UNC5D: variants seen among roughly 807,000 people sequenced by gnomAD.
The protein encoded by UNC5D is netrin receptor UNC5D.
A neutral mutation model predicts 105.4 loss-of-function variants in UNC5D; 39 were observed. The ratio of observed to expected loss-of-function variants is 0.37; its 90% confidence interval spans 0.29 to 0.48. UNC5D has a LOEUF of 0.48. Among genes scored for constraint, UNC5D ranks in the 20% least tolerant of loss-of-function variants. UNC5D has a pLI of 0.98. For synonymous variants in UNC5D, 452 were observed against 450.4 expected (o/e 1.00, Z -0.04); for missense variants, 991 against 1,202.4 (o/e 0.82, Z 2.60).
intron 8 of UNC5D, among the ~76,000 whole-genome samples, chr8:35,711,017 C>G (rs1433827698): frequency 3.9e-5 from 5 of 127,388 alleles, no homozygotes. Context: ...CGGCTCACTG[C>G]AAGCTCTGCC....
rs868029842 is a variant in UNC5D, at chr8:35,719,141, T to C, written c.1118-3069T>C. On this transcript the variant is annotated intron_variant, in intron 8 of 16. Coordinates refer to ENST00000404895, the MANE Select transcript of UNC5D (RefSeq NM_080872.4). ...CACTGCTTACATGCACATGTGCTTA[T>C]ACACACACACACACACACACACACA... 3.7e-4 allele frequency among the ~76,000 whole-genome samples: 49 copies of C among 133,172 alleles called. No homozygotes were observed. The South Asian group carries it at 8.8e-3, about 24-fold the overall frequency. The allele number at this position is 133,172 out of a possible 152,430, so 87.4% of individuals were successfully genotyped here. A position where few individuals can be genotyped will look rare whatever the true frequency, so the allele number is the denominator to read the frequency against.
At position 35,375,791 on chromosome 8, in the gene UNC5D, T is replaced by C. The variant is rs541034544; in HGVS notation, c.103+139904T>C. On this transcript the variant is annotated intron_variant, in intron 1 of 16. Coordinates refer to ENST00000404895, the MANE Select transcript of UNC5D (RefSeq NM_080872.4). ...ATTGAATTTGTCCCCTTAGTTCAAA[T>C]GCATTTTTGAAACAAGGAATTATAT... Among the ~76,000 whole-genome samples the C allele has an allele frequency of 3.3e-5, 5 of 152,316 alleles. No individual in the cohort carries two copies. The South Asian group carries it at 8.3e-4, about 25-fold the overall frequency.
chr8:35,507,699 G>A (rs768810059), intron 1 of UNC5D, among the ~76,000 whole-genome samples: 33 of 152,076 alleles, frequency 2.2e-4, no homozygotes, highest in Non-Finnish European at 3.7e-4. Context: ...GTATTTGATA[G>A]CACAATAGTA....
chr8:35,284,347 G>C (rs1458713064), intron 1 of UNC5D, among the ~76,000 whole-genome samples: 1 of 152,098 alleles, frequency 6.6e-6, no homozygotes, highest in Non-Finnish European at 1.5e-5. Context: ...GATGTTATTT[G>C]CACAAGAATG....
At position 35,600,961 on chromosome 8, in the gene UNC5D, T is replaced by C. The variant is rs559714470; in HGVS notation, c.570+5304T>C. 3.3e-5 allele frequency among the ~76,000 whole-genome samples: 5 copies of C among 152,212 alleles called. No individual in the cohort carries two copies. In the East Asian group the frequency reaches 9.7e-4, roughly 29 times the overall value. ...TAACATTTAAGTCTTTAATCCATCT[T>C]GAATTAATTTTTGTATAAGGTGTAA... On this transcript the variant is annotated intron_variant, in intron 4 of 16. Transcript: ENST00000404895.
At chr8:35,595,781 G>A in intron 4 of UNC5D, 124 bp downstream of exon 4, 1 of 757,484 alleles carries the variant, frequency 1.3e-6, no homozygotes, top group South Asian at 1.7e-5. Flanking sequence ...TGTTGCCTGG[G>A]CTCAGTTGCT....
chr8:35,693,099 A>G (rs1826520269), intron 7 of UNC5D, among the ~76,000 whole-genome samples: 1 of 152,246 alleles, frequency 6.6e-6, no homozygotes. Flanking sequence ...ACAAGCTTTA[A>G]TAAGACAGAG....
intron 16 of UNC5D, among the ~76,000 whole-genome samples, chr8:35,786,458 T>C (rs917300474): frequency 8.5e-5 from 13 of 152,138 alleles, no homozygotes; most frequent in African/African-American, 3.1e-4. Context: ...ACCATGTGAC[T>C]GGCAGGAGTC....
intron 4 of UNC5D, among the ~76,000 whole-genome samples, chr8:35,628,654 A>C (rs897319594): frequency 6.6e-6 from 1 of 152,206 alleles, no homozygotes; most frequent in African/African-American, 2.4e-5. Context: ...ATTAGGTATT[A>C]AATTACTAGG....
intron 1 of UNC5D, among the ~76,000 whole-genome samples, chr8:35,288,423 A>T (rs1222247570): frequency 6.6e-6 from 1 of 152,164 alleles, no homozygotes; most frequent in East Asian, 1.9e-4. Flanking sequence ...AACAAAAGCT[A>T]AGGGAGTTTA....
chr8:35,410,430 A>G (rs1191700283), intron 1 of UNC5D, among the ~76,000 whole-genome samples: 4 of 152,082 alleles, frequency 2.6e-5, no homozygotes, highest in Non-Finnish European at 5.9e-5. Context: ...GGGGAAACTA[A>G]CAAGTGGCTT....
chr8:35,533,735 G>C (rs7013812), intron 1 of UNC5D, among the ~76,000 whole-genome samples: 1,652 of 152,338 alleles, frequency 0.011, 37 homozygotes, highest in African/African-American at 0.038. Context: ...CCAGGTGTGG[G>C]ATATAATCTC....
At chr8:35,730,879 T>C (rs923881014) in intron 10 of UNC5D, 133 bp from the exon 11 acceptor site, 14 of 722,814 alleles carry the variant, frequency 1.9e-5, no homozygotes, top group African/African-American at 1.2e-4. Context: ...CCTTAAACTT[T>C]CCAAGGATTG....
At chr8:35,417,308 G>A (rs1209617978) in intron 1 of UNC5D, among the ~76,000 whole-genome samples, 1 of 149,092 alleles carries the variant, frequency 6.7e-6, no homozygotes, top group Non-Finnish European at 1.5e-5. Flanking sequence ...GGGGTTCCTT[G>A]AAATGATCCC....
chr8:35,324,718 A>C (rs1585586142), intron 1 of UNC5D, among the ~76,000 whole-genome samples: 2 of 152,350 alleles, frequency 1.3e-5, no homozygotes, highest in Non-Finnish European at 2.9e-5. Flanking sequence ...ATATTATATG[A>C]TGAAGAGAAG....
intron 1 of UNC5D, among the ~76,000 whole-genome samples, chr8:35,299,567 T>A (rs142993769): frequency 5.5e-4 from 84 of 152,334 alleles, no homozygotes; most frequent in African/African-American, 2.0e-3. Flanking sequence ...TGTCATTCTC[T>A]GCTAGTGGAG....
intron 14 of UNC5D, among the ~76,000 whole-genome samples, chr8:35,763,363 C>A (rs972186176): frequency 3.3e-5 from 5 of 150,582 alleles, no homozygotes; most frequent in Admixed American, 1.3e-4. Flanking sequence ...TTTTATATTT[C>A]TTCCAGTGTT....
intron 1 of UNC5D, among the ~76,000 whole-genome samples, chr8:35,358,064 C>A (rs188353931): frequency 1.3e-5 from 2 of 152,152 alleles, no homozygotes; most frequent in South Asian, 2.1e-4. Context: ...CTCCTGCCCC[C>A]AGATCTTTGC....
intron 3 of UNC5D, among the ~76,000 whole-genome samples, chr8:35,581,007 T>G (rs1199893204): frequency 1.3e-5 from 2 of 152,172 alleles, no homozygotes; most frequent in Non-Finnish European, 2.9e-5. Context: ...TTTGTGCACT[T>G]TCAGAGTGAC....
Sources: allele counts gnomAD v4.1 joint callset (sites outside exome capture counted in the v4.1 genomes callset), GRCh38; gene constraint gnomAD v4.1.1; transcripts MANE v1.5; gene names NCBI Gene and HGNC (gene_info 2026-07-23, HGNC 2026-07-21).